CHD6: variants seen among roughly 807,000 people sequenced by gnomAD.
CHD6 encodes the protein chromodomain helicase DNA binding protein 6.
A neutral mutation model predicts 276.9 loss-of-function variants in CHD6; 50 were observed. The ratio of observed to expected loss-of-function variants is 0.18; its 90% CI spans 0.14 to 0.23. CHD6 has a LOEUF of 0.23. CHD6 is among the 10% of genes least tolerant of loss of function. CHD6 has a pLI of 1.00. For synonymous variants in CHD6, 1,173 were observed against 1,229.3 expected, an observed-to-expected ratio of 0.95 and a Z score of 0.96; for missense variants, 2,564 against 3,365.8, an observed-to-expected ratio of 0.76 and a Z score of 5.89.
rs1313731827 is a variant in CHD6 at position 41,493,956 on chromosome 20, AGAG to A, written c.1093-15_1093-13del. On this transcript the variant is annotated splice_polypyrimidine_tract_variant and intron_variant, in intron 8 of 36. Coordinates refer to ENST00000373233, the MANE Select transcript of CHD6 (RefSeq NM_032221.5). ...AAGTCTTCATCAGGCTAACACAAAC[AGAG>A]GAGAACAGTTAGGAAGTATGTCCCC... 6 of 1,606,150 alleles carry A rather than the reference AGAG, an allele frequency of 3.7e-6. No homozygotes were observed. Among genetic ancestry groups the A allele is most frequent in the South Asian group, 1.1e-5 (1 of 90,860 alleles).
At chr20:41,469,236 CCA>C (rs1297003811) in intron 17 of CHD6, among the ~76,000 whole-genome samples, 1 of 152,138 alleles carries the variant, frequency 6.6e-6, no homozygotes, top group Non-Finnish European at 1.5e-5. Context: ...ACATCTGCTC[CCA>C]CACTTTCTGA....
At chr20:41,527,897 G>C (rs1012601416) in intron 3 of CHD6, among the ~76,000 whole-genome samples, 4 of 152,146 alleles carry the variant, frequency 2.6e-5, no homozygotes, top group Non-Finnish European at 5.9e-5. Context: ...CTTGAGAGTA[G>C]CCCTCTCTCG....
intron 19 of CHD6, among the ~76,000 whole-genome samples, chr20:41,455,565 T>C (rs571708602): frequency 6.6e-6 from 1 of 152,322 alleles, no homozygotes; most frequent in African/African-American, 2.4e-5. Context: ...ATTCTGTCTG[T>C]TAAAGATCAG....
At chr20:41,426,517 C>T (rs1361990506) in intron 27 of CHD6, among the ~76,000 whole-genome samples, 1 of 152,176 alleles carries the variant, frequency 6.6e-6, no homozygotes, top group Non-Finnish European at 1.5e-5. Flanking sequence ...CAATTTAATA[C>T]TGTCATTTCA....
intron 1 of CHD6, among the ~76,000 whole-genome samples, chr20:41,568,403 C>T (rs1316994985): frequency 6.6e-6 from 1 of 152,176 alleles, no homozygotes; most frequent in African/African-American, 2.4e-5. Context: ...AAAGTAAACA[C>T]ATTAACAAAA....
At chr20:41,583,624 G>A (rs2045563312) in intron 1 of CHD6, among the ~76,000 whole-genome samples, 1 of 152,174 alleles carries the variant, frequency 6.6e-6, no homozygotes, top group Non-Finnish European at 1.5e-5. Context: ...AAGTCAATGC[G>A]AGATCTTTTT....
At position 41,452,542 on chromosome 20, in the gene CHD6, T is replaced by C. The variant is rs889979139; in HGVS notation, c.3323+198A>G. On this transcript the variant is annotated intron_variant, in intron 21 of 36. Transcript: ENST00000373233. The surrounding 1 kb of genome is among the most constrained non-coding windows in gnomAD (Gnocchi z 4.2). Reference sequence around the variant, plus strand: ...GCATATGAGAAAATCATGGCATGTCTGCATTGTGGTTGCGGAGCATACGGT... The same window carrying C: ...GCATATGAGAAAATCATGGCATGTCCGCATTGTGGTTGCGGAGCATACGGT... Among the ~76,000 whole-genome samples, 1 of 152,198 alleles carries C rather than the reference T, an allele frequency of 6.6e-6. No individual in the cohort carries two copies. The highest frequency in any genetic ancestry group is 1.5e-5 in the Non-Finnish European group (1 of 68,028).
At chr20:41,528,088 T>C (rs1366280944) in intron 3 of CHD6, among the ~76,000 whole-genome samples, 1 of 152,206 alleles carries the variant, frequency 6.6e-6, no homozygotes, top group African/African-American at 2.4e-5. Context: ...TATAGCAACA[T>C]AAAATGAACT....
intron 36 of CHD6, 65 bp downstream of exon 36, chr20:41,412,079 A>G: frequency 6.3e-7 from 1 of 1,594,444 alleles, no homozygotes; most frequent in Non-Finnish European, 8.5e-7. Flanking sequence ...TCTCTCAAGT[A>G]TGTAAGGCAC....
At chr20:41,543,667 T>A (rs1365091892) in intron 2 of CHD6, among the ~76,000 whole-genome samples, 1 of 152,188 alleles carries the variant, frequency 6.6e-6, no homozygotes, top group Non-Finnish European at 1.5e-5. Flanking sequence ...CCCAGAAGGG[T>A]CCCAAGATGA....
At chr20:41,436,583 T>G (rs1273580927) in intron 27 of CHD6, among the ~76,000 whole-genome samples, 1 of 152,142 alleles carries the variant, frequency 6.6e-6, no homozygotes, top group Non-Finnish European at 1.5e-5. Context: ...ACAGAGGACT[T>G]AATAGTCAAA....
chr20:41,494,072 TAAGAATAA>T, intron 8 of CHD6, 128 bp from the exon 9 acceptor site: 5 of 645,162 alleles, frequency 7.7e-6, no homozygotes, highest in Non-Finnish European at 1.3e-5. Context: ...AGGGTTTGCT[TAAGAATAA>T]AAGTCACGGC....
Position 41,551,305 on chromosome 20 carries a change from C to G in CHD6, c.33G>C (p.Gln11His). MKMKIQKKEKQLSNLKVLNHS... is the reference protein window; with the variant it reads MKMKIQKKEKHLSNLKVLNHS... ...ACTTAAAAGAAAAGTGATCACTTAC[C>G]TGCTTCTCTTTTTTCTGTATTTTCA... The change falls in exon 2 of 37, where the codon CAG becomes CAC. Residue 11 changes from glutamine (Q) to histidine (H), a missense_variant and splice_region_variant. Physicochemically the swap from Gln to His is conservative, Grantham distance 24 (BLOSUM62 0). This residue lies in a region of CHD6 where 286 missense variants were observed against 297.8 expected (regional missense o/e 0.96). Transcript: ENST00000373233. 2 of 1,484,026 alleles carry G rather than the reference C, an allele frequency of 1.3e-6. No homozygotes were observed. Among genetic ancestry groups the G allele is most frequent in the Non-Finnish European group, 1.9e-6 (2 of 1,071,072 alleles). 91.9% of individuals were successfully genotyped at this position (1,484,026 alleles called of 1,614,324 possible). A position where few individuals can be genotyped will look rare whatever the true frequency, so the allele number is the denominator to read the frequency against.
rs760992631 is a variant in CHD6, at chr20:41,405,416, C to A, written c.7325G>T (p.Arg2442Met). ...PILRDTGPRR[R>M]GRRPRSELLK... The stretch of plus-strand genomic sequence containing the variant: ...GAGTTCGCTCCGAGGCCGCCTCCCC[C>A]TCCTGCGGGGGCCCGTATCTCGAAG... The change falls in exon 37 of 37, where the codon AGG (arginine) becomes ATG (methionine). Residue 2442 changes from arginine (R) to methionine (M), a missense_variant. Around this residue, in one of 7 missense-constraint regions of CHD6, gnomAD observed 1,024 missense variants for 1,047.9 expected, o/e 0.98. Coordinates refer to ENST00000373233, the MANE Select transcript of CHD6 (RefSeq NM_032221.5). The A allele has an allele frequency of 3.7e-6, 6 of 1,612,418 alleles. No homozygotes were observed. Among genetic ancestry groups the A allele is most frequent in the Non-Finnish European group, 5.1e-6 (6 of 1,178,766 alleles).
At chr20:41,440,160 T>A in intron 25 of CHD6, 31 bp from the exon 26 acceptor site, 1 of 1,605,320 alleles carries the variant, frequency 6.2e-7, no homozygotes, top group Non-Finnish European at 8.5e-7. Context: ...ATGCCAGAAG[T>A]CATGTTAGAA....
intron 1 of CHD6, among the ~76,000 whole-genome samples, chr20:41,562,157 A>C (rs573335848): frequency 1.6e-3 from 236 of 152,174 alleles, no homozygotes; most frequent in African/African-American, 5.4e-3. Context: ...AGTTTCCTCA[A>C]CTTTCTCTTT....
At chr20:41,425,784 T>C (rs2047342969) in intron 28 of CHD6, among the ~76,000 whole-genome samples, 1 of 151,122 alleles carries the variant, frequency 6.6e-6, no homozygotes, top group African/African-American at 2.4e-5. Context: ...CCACAACCTT[T>C]CTTTAAAAAA....
At chr20:41,539,375 G>C (rs1358086535) in intron 2 of CHD6, among the ~76,000 whole-genome samples, 1 of 152,186 alleles carries the variant, frequency 6.6e-6, no homozygotes, top group Non-Finnish European at 1.5e-5. Flanking sequence ...CTCGAGAGTG[G>C]TTATCTTGGT....
intron 3 of CHD6, among the ~76,000 whole-genome samples, chr20:41,531,356 A>G (rs1168971199): frequency 6.6e-6 from 1 of 152,198 alleles, no homozygotes; most frequent in Non-Finnish European, 1.5e-5. Flanking sequence ...TAATAAAAAA[A>G]AGTTGCCACA....
Sources: allele counts gnomAD v4.1 joint callset (sites outside exome capture counted in the v4.1 genomes callset), GRCh38; gene constraint gnomAD v4.1.1; regional missense constraint gnomAD v4.1.1; non-coding constraint Gnocchi (gnomAD v3.1); transcripts MANE v1.5; gene names NCBI Gene and HGNC (gene_info 2026-07-23, HGNC 2026-07-21).